The following TENT2 variants were observed in gnomAD, a reference collection of about 807,000 sequenced individuals.
The protein encoded by TENT2 is terminal nucleotidyltransferase 2.
TENT2 carries 44 observed loss-of-function variants against 72.2 expected under a neutral mutation model. The observed-to-expected ratio is 0.61, with a 90% CI of 0.48 to 0.78. The LOEUF is 0.78. TENT2 is among the 30% of genes least tolerant of loss of function. TENT2 has a pLI of 0.00. For synonymous variants in TENT2, 212 were observed against 192.5 expected (o/e 1.10, Z -0.84); for missense variants, 541 against 569.6 (o/e 0.95, Z 0.51).
rs1477180767 is a variant in TENT2, at chr5:79,674,908, ATC to A, written c.1209-4669_1209-4668del. Among the ~76,000 whole-genome samples the A allele has an allele frequency of 3.9e-5, 6 of 152,174 alleles. No individual in the cohort carries two copies. The East Asian group carries it at 1.2e-3, about 29-fold the overall frequency. ...ATGTTTTGAGGAGGAAGGAGTGATT[ATC>A]TGTGTCATTATTTTTTGATAGATTG... On this transcript the variant is annotated intron_variant, in intron 12 of 14. Coordinates refer to ENST00000453514, the MANE Select transcript of TENT2 (RefSeq NM_001114394.3).
intron 1 of TENT2, among the ~76,000 whole-genome samples, chr5:79,616,066 T>C (rs369949955): frequency 3.9e-5 from 6 of 151,936 alleles, no homozygotes; most frequent in Admixed American, 2.0e-4. Context: ...TTTGTATTTT[T>C]AGTAGAGACG....
intron 14 of TENT2, among the ~76,000 whole-genome samples, chr5:79,684,159 TAGTG>T: frequency 6.6e-6 from 1 of 152,164 alleles, no homozygotes; most frequent in Non-Finnish European, 1.5e-5. Context: ...AGTCACCAAG[TAGTG>T]AGACAGATTT....
intron 11 of TENT2, among the ~76,000 whole-genome samples, chr5:79,658,114 A>T (rs749766866): frequency 1.3e-5 from 2 of 149,942 alleles, no homozygotes; most frequent in Non-Finnish European, 3.0e-5. Flanking sequence ...TGGAGATCTC[A>T]CATTCTGTGG....
At chr5:79,622,588 CT>C (rs1215871189) in intron 3 of TENT2, among the ~76,000 whole-genome samples, 1 of 152,084 alleles carries the variant, frequency 6.6e-6, no homozygotes, top group Non-Finnish European at 1.5e-5. Flanking sequence ...TGCCCACCTG[CT>C]TTTTTTCCTG....
At chr5:79,642,782 C>T in intron 6 of TENT2, 50 bp from the exon 7 acceptor site, 1 of 1,429,222 alleles carries the variant, frequency 7.0e-7, no homozygotes, top group Non-Finnish European at 9.6e-7. Context: ...GAAAATGAAA[C>T]ATTAAACTTA....
At chr5:79,665,499 A>G (rs541756295) in intron 11 of TENT2, among the ~76,000 whole-genome samples, 1 of 152,354 alleles carries the variant, frequency 6.6e-6, no homozygotes, top group South Asian at 2.1e-4. Context: ...AGACAGTTCT[A>G]TGAGCAGAAG....
chr5:79,661,991 T>C (rs549337120), intron 11 of TENT2, among the ~76,000 whole-genome samples: 2 of 152,318 alleles, frequency 1.3e-5, no homozygotes, highest in South Asian at 2.1e-4. Context: ...ATTATCCCTC[T>C]TTCACTAATG....
intron 13 of TENT2, chr5:79,681,622 G>A (rs930922306): frequency 6.3e-6 from 1 of 159,398 alleles, no homozygotes; most frequent in African/African-American, 2.4e-5. Context: ...GCCTCTCTTC[G>A]ATATAATGCT....
chr5:79,657,147 T>G, intron 11 of TENT2, 146 bp downstream of exon 11: 1 of 533,512 alleles, frequency 1.9e-6, no homozygotes, highest in Non-Finnish European at 3.2e-6. Context: ...ATTTAAAATG[T>G]TTCATATACT....
intron 4 of TENT2, among the ~76,000 whole-genome samples, chr5:79,632,481 C>T (rs1486094253): frequency 6.6e-6 from 1 of 152,032 alleles, no homozygotes; most frequent in African/African-American, 2.4e-5. Flanking sequence ...TATCTAAGCC[C>T]CTGAATTCCA....
intron 6 of TENT2, 37 bp downstream of exon 6, chr5:79,641,233 A>C: frequency 4.5e-5 from 67 of 1,481,542 alleles, no homozygotes; most frequent in Non-Finnish European, 5.4e-5. Context: ...TGTGTTTCTC[A>C]TGTTAATGAG....
chr5:79,632,921 G>A (rs113436036), intron 4 of TENT2, among the ~76,000 whole-genome samples: 61 of 152,210 alleles, frequency 4.0e-4, no homozygotes, highest in Middle Eastern at 3.4e-3. Context: ...TCAGGTAATA[G>A]TAGGCGCCTA....
chr5:79,679,041 G>T (rs1463182844), intron 12 of TENT2, among the ~76,000 whole-genome samples: 1 of 152,144 alleles, frequency 6.6e-6, no homozygotes, highest in Non-Finnish European at 1.5e-5. Context: ...GAGTAGCTGG[G>T]ACTACAGGTG....
In TENT2 at chr5:79,623,482, A is replaced by G; in HGVS notation, c.458A>G (p.Lys153Arg). The G allele has an allele frequency of 6.3e-7, 1 of 1,592,790 alleles. No individual in the cohort carries two copies. Among genetic ancestry groups the G allele is most frequent in the Non-Finnish European group, 8.6e-7 (1 of 1,165,130 alleles). The change falls in exon 4 of 15, where the codon AAA becomes AGA. Residue 153 changes from lysine (K) to arginine (R), a missense_variant. By Grantham distance (26) the Lys-to-Arg change is conservative. Coordinates refer to ENST00000453514, the MANE Select transcript of TENT2 (RefSeq NM_001114394.3). ...EPREITLPEA[K>R]DKLSQQILEL... ...AGAGAAATCACACTGCCTGAGGCCA[A>G]AGATAAGGTAATAATAATGTAGATT...
chr5:79,674,979 G>A (rs1816051348), intron 12 of TENT2, among the ~76,000 whole-genome samples: 1 of 152,118 alleles, frequency 6.6e-6, no homozygotes, highest in Non-Finnish European at 1.5e-5. Flanking sequence ...GACAGGAACA[G>A]TTTCTGTGGA....
Position 79,679,102 on chromosome 5 carries a change from C to T in TENT2, c.1209-477C>T, listed in dbSNP as rs1819708038. Among the ~76,000 whole-genome samples, 3 of 152,086 alleles carry T rather than the reference C, an allele frequency of 2.0e-5. 1 individual carries two copies. The highest frequency in any genetic ancestry group is 2.0e-4 in the Admixed American group (3 of 15,264). On this transcript the variant is annotated intron_variant, in intron 12 of 14. Coordinates refer to ENST00000453514, the MANE Select transcript of TENT2 (RefSeq NM_001114394.3). ...TGTATTTTTAGTAGAGATGGGGTTT[C>T]ACCATCTTGGCCAGGCTGGTCTTGA... is the stretch of plus-strand genomic sequence containing the variant.
chr5:79,661,307 G>GC (rs1443622605), intron 11 of TENT2, among the ~76,000 whole-genome samples: 1 of 152,118 alleles, frequency 6.6e-6, no homozygotes, highest in South Asian at 2.1e-4. Context: ...ACTTCTGCAA[G>GC]CCCCACTCAT....
chr5:79,674,404 AAAAC>A (rs578241609), intron 12 of TENT2, among the ~76,000 whole-genome samples: 2 of 152,358 alleles, frequency 1.3e-5, no homozygotes, highest in African/African-American at 4.8e-5. Flanking sequence ...CCCCTCCTAA[AAAAC>A]AAACAAACAA....
At chr5:79,626,625 ATTTT>A (rs564494148) in intron 4 of TENT2, among the ~76,000 whole-genome samples, 2 of 134,458 alleles carry the variant, frequency 1.5e-5, no homozygotes. Flanking sequence ...AATGTTTTTA[ATTTT>A]TTTTTTTTTT....
Sources: gnomAD v4.1 joint callset for allele counts (sites outside exome capture counted in the v4.1 genomes callset) on GRCh38, gnomAD v4.1.1 for gene constraint, MANE v1.5 for transcripts, NCBI Gene and HGNC (gene_info 2026-07-23, HGNC 2026-07-21) for gene names.